SYNJ2: variants seen among roughly 807,000 people sequenced by gnomAD.
SYNJ2 encodes synaptojanin 2.
A neutral mutation model predicts 141.3 loss-of-function variants in SYNJ2; 116 were observed. That is an observed-to-expected ratio of 0.82 (90% confidence interval 0.71 to 0.96). The LOEUF is 0.96. SYNJ2 is among the 40% of genes least tolerant of loss of function. The pLI, the probability that SYNJ2 is intolerant of heterozygous loss-of-function variation, is 0.00. For synonymous variants in SYNJ2, 745 were observed against 777.7 expected (o/e 0.96, Z 0.70); for missense variants, 1,873 against 1,934.8 (o/e 0.97, Z 0.60).
chr6:157,984,554 C>T (rs1238080671), intron 1 of SYNJ2, among the ~76,000 whole-genome samples: 1 of 152,198 alleles, frequency 6.6e-6, no homozygotes, highest in Admixed American at 6.5e-5. Flanking sequence ...CAGGCACACG[C>T]CACCATGCCT....
chr6:158,083,338 G>GGGTGTGTGGGTTTTGGTGAGAAGC, intron 20 of SYNJ2, 91 bp from the exon 21 acceptor site: 1 of 1,468,246 alleles, frequency 6.8e-7, no homozygotes, highest in Non-Finnish European at 9.3e-7. Context: ...GCCTCGTTGA[G>GGGTGTGTGGGTTTTGGTGAGAAGC]GGTGTGTGGG....
intron 2 of SYNJ2, among the ~76,000 whole-genome samples, chr6:158,021,506 A>T (rs1164959259): frequency 6.6e-6 from 1 of 152,142 alleles, no homozygotes; most frequent in Admixed American, 6.5e-5. Flanking sequence ...CGCTGCCACC[A>T]CTGAGAAGCT....
chr6:158,033,644 C>G lies in SYNJ2; in HGVS notation c.675C>G (p.Asp225Glu). 1 of 1,612,056 alleles carries G rather than the reference C, an allele frequency of 6.2e-7. No homozygotes were observed. The highest frequency in any genetic ancestry group is 8.5e-7 in the Non-Finnish European group (1 of 1,179,692). Reference protein sequence around the residue: ...GTRFHTRGVNDDGHVSNFVET... With the variant: ...GTRFHTRGVNEDGHVSNFVET... ...GCTTCCACACCCGTGGCGTGAACGA[C>G]GACGGCCATGTGTCCAACTTCGTGG... Residue 225 changes from aspartate to glutamate, a missense_variant, in exon 4 of 27, where the codon GAC becomes GAG. Physicochemically the swap from Asp to Glu is conservative, Grantham distance 45. Transcript: ENST00000355585.
chr6:158,085,370 C>T (rs1297331427), intron 22 of SYNJ2, among the ~76,000 whole-genome samples: 1 of 152,090 alleles, frequency 6.6e-6, no homozygotes, highest in Non-Finnish European at 1.5e-5. Context: ...ACGTGGCTGG[C>T]AGGTCGGGTA....
At chr6:158,010,877 T>C (rs1778240069) in intron 1 of SYNJ2, among the ~76,000 whole-genome samples, 1 of 133,088 alleles carries the variant, frequency 7.5e-6, no homozygotes, top group Admixed American at 8.0e-5. Context: ...GATGGCCTCG[T>C]GACAACGGGG....
rs1783330879 is a variant in SYNJ2 at position 158,089,965 on chromosome 6, G to A, written c.3565+18G>A. The stretch of plus-strand genomic sequence containing the variant: ...CAGAGGAGGTAGGTGCTTTCCTGGG[G>A]GCAGGGGAAAAACCAATTCTCCTTT... On this transcript the variant is annotated intron_variant, in intron 25 of 26. Coordinates refer to ENST00000355585, the MANE Select transcript of SYNJ2 (RefSeq NM_003898.4). The A allele has an allele frequency of 6.3e-7, 1 of 1,580,402 alleles. No homozygotes were observed. Among genetic ancestry groups the A allele is most frequent in the Non-Finnish European group, 8.7e-7 (1 of 1,149,962 alleles).
chr6:158,088,803 AGGG>A, intron 24 of SYNJ2, 31 bp downstream of exon 24: 3 of 1,519,400 alleles, frequency 2.0e-6, no homozygotes, highest in Non-Finnish European at 1.8e-6. Flanking sequence ...TTCAATCCCA[AGGG>A]TTTTGCCCCC....
Position 158,092,908 on chromosome 6 carries a change from T to C in SYNJ2, c.3566-18T>C, listed in dbSNP as rs1783556153. 4 of 1,572,758 alleles carry C rather than the reference T, an allele frequency of 2.5e-6. No homozygotes were observed. The highest frequency in any genetic ancestry group is 1.2e-5 in the South Asian group (1 of 85,624). On this transcript the variant is annotated intron_variant, in intron 25 of 26. Coordinates refer to ENST00000355585, the MANE Select transcript of SYNJ2 (RefSeq NM_003898.4). Reference sequence around the variant, plus strand: ...TGCCTTGTCCTTTACACTTCAGCCATGTGGTTTTATGTTTCAGGTGCCTCC... The same window carrying C: ...TGCCTTGTCCTTTACACTTCAGCCACGTGGTTTTATGTTTCAGGTGCCTCC...
chr6:157,998,189 G>A (rs1777707172), intron 1 of SYNJ2, among the ~76,000 whole-genome samples: 1 of 152,218 alleles, frequency 6.6e-6, no homozygotes, highest in South Asian at 2.1e-4. Context: ...GCACACACAG[G>A]TGTCCTTCTG....
intron 2 of SYNJ2, among the ~76,000 whole-genome samples, chr6:158,024,730 A>G (rs1778948926): frequency 6.6e-6 from 1 of 152,218 alleles, no homozygotes; most frequent in South Asian, 2.1e-4. Context: ...TAGAAGCACC[A>G]GATATGCTAC....
chr6:157,993,628 T>G (rs571105573), intron 1 of SYNJ2, among the ~76,000 whole-genome samples: 17 of 151,520 alleles, frequency 1.1e-4, no homozygotes, highest in African/African-American at 3.9e-4. Flanking sequence ...GTCCTGGAGG[T>G]CTTTCCCAAT....
intron 2 of SYNJ2, among the ~76,000 whole-genome samples, chr6:158,018,979 C>T (rs1778618968): frequency 6.6e-6 from 1 of 152,240 alleles, no homozygotes; most frequent in African/African-American, 2.4e-5. Flanking sequence ...GTGGCCTGCA[C>T]CTGCATGGGA....
chr6:158,062,455 T>C (rs1781281961), intron 8 of SYNJ2, among the ~76,000 whole-genome samples: 1 of 152,074 alleles, frequency 6.6e-6, no homozygotes, highest in Non-Finnish European at 1.5e-5. Flanking sequence ...GAGTCATGGT[T>C]TTCTGGCAAA....
chr6:158,047,427 A>G (rs1411191285), intron 5 of SYNJ2, among the ~76,000 whole-genome samples: 2 of 152,152 alleles, frequency 1.3e-5, no homozygotes, highest in Non-Finnish European at 2.9e-5. Flanking sequence ...ACTTTTCTGT[A>G]AAATGGGGCT....
At chr6:157,988,919 T>G (rs1488915664) in intron 1 of SYNJ2, among the ~76,000 whole-genome samples, 1 of 152,086 alleles carries the variant, frequency 6.6e-6, no homozygotes, top group Non-Finnish European at 1.5e-5. Flanking sequence ...ACCTTCAAAG[T>G]CCATACGAAA....
intron 1 of SYNJ2, among the ~76,000 whole-genome samples, chr6:158,015,015 C>T (rs1311980323): frequency 2.6e-5 from 4 of 152,162 alleles, no homozygotes; most frequent in East Asian, 3.9e-4. Flanking sequence ...TCCTGGAAAA[C>T]ATGGCATGGT....
chr6:158,020,550 C>T (rs747257177), intron 2 of SYNJ2, among the ~76,000 whole-genome samples: 1 of 151,918 alleles, frequency 6.6e-6, no homozygotes, highest in Non-Finnish European at 1.5e-5. Context: ...ACTGACTCCA[C>T]CTGTATGACT....
chr6:158,092,683 C>T (rs1256175875), intron 25 of SYNJ2, among the ~76,000 whole-genome samples: 2 of 151,778 alleles, frequency 1.3e-5, no homozygotes, highest in African/African-American at 4.8e-5. Flanking sequence ...GAGAATTGCT[C>T]GAGCCTGGGA....
At chr6:157,994,913 T>A (rs908750419) in intron 1 of SYNJ2, among the ~76,000 whole-genome samples, 2 of 152,138 alleles carry the variant, frequency 1.3e-5, no homozygotes, top group Non-Finnish European at 2.9e-5. Flanking sequence ...GGAGCGCCCC[T>A]CCATTGCCCT....
Sources: gnomAD v4.1 joint callset for allele counts (sites outside exome capture counted in the v4.1 genomes callset) on GRCh38, gnomAD v4.1.1 for gene constraint, MANE v1.5 for transcripts, NCBI Gene and HGNC (gene_info 2026-07-23, HGNC 2026-07-21) for gene names.